Variants in UNC13C observed in about 807,000 individuals in gnomAD.
UNC13C encodes the protein protein unc-13 homolog C.
Under a neutral mutation model 245.4 loss-of-function variants are expected in UNC13C, and 174 were observed. That is an observed-to-expected ratio of 0.71 (90% CI 0.63 to 0.80). The LOEUF (loss-of-function observed/expected upper bound fraction) is 0.80, where lower values mean the gene tolerates loss of function less well. Among genes scored for constraint, UNC13C ranks in the 30% least tolerant of loss-of-function variants. The pLI is 0.00. For missense variants in UNC13C, 2,829 were observed against 2,602.9 expected, an observed-to-expected ratio of 1.09 and a Z score of -1.89; for synonymous variants, 992 against 895.1, an observed-to-expected ratio of 1.11 and a Z score of -1.93.
chr15:54,610,837 A>G (rs1269158525), intron 30 of UNC13C, among the ~76,000 whole-genome samples: 7 of 152,212 alleles, frequency 4.6e-5, no homozygotes, highest in African/African-American at 1.7e-4. Flanking sequence ...CATACACTGC[A>G]TCACTATTAG....
Position 54,269,049 on chromosome 15 carries a change from T to TTTTTGTTTTATTTTATTTTA in UNC13C, c.3818+3557_3818+3558insGTTTTATTTTATTTTATTTT, listed in dbSNP as rs1555441243. ...ACCTTGGTTTCTTTTTTTTTTTAAT[T>TTTTTGTTTTATTTTATTTTA]TTTTATTTTATTTTATTATTATTAT... On this transcript the variant is annotated intron_variant, in intron 10 of 32. Transcript: ENST00000260323. Among the ~76,000 whole-genome samples, 533 of 151,176 alleles carry TTTTTGTTTTATTTTATTTTA rather than the reference T, an allele frequency of 3.5e-3. 4 individuals carry two copies. The highest frequency in any genetic ancestry group is 0.012 in the African/African-American group (505 of 41,340).
chr15:54,294,275 T>A (rs11630766), intron 11 of UNC13C, among the ~76,000 whole-genome samples: 67,863 of 151,842 alleles, frequency 0.45, 15,573 homozygotes, highest in African/African-American at 0.54. Context: ...AAAGGAGAAA[T>A]CCCTTTCCAA....
the UNC13C span, among the ~76,000 whole-genome samples, chr15:53,918,032 G>A: frequency 6.6e-6 from 1 of 152,170 alleles, no homozygotes; most frequent in Non-Finnish European, 1.5e-5. Context: ...AAAAGAAGTT[G>A]ATTGAGAATG....
intron 30 of UNC13C, among the ~76,000 whole-genome samples, chr15:54,568,725 A>C (rs896554326): frequency 2.6e-5 from 4 of 152,200 alleles, no homozygotes; most frequent in African/African-American, 9.6e-5. Context: ...GTAAGTAAGA[A>C]GACACTAACT....
At chr15:54,005,541 C>T (rs900903518) in intron 1 of UNC13C, among the ~76,000 whole-genome samples, 3 of 152,034 alleles carry the variant, frequency 2.0e-5, no homozygotes, top group Non-Finnish European at 2.9e-5. Flanking sequence ...CAAGACAATG[C>T]CTGGCATATA....
At chr15:54,082,315 C>T (rs564088822) in intron 2 of UNC13C, among the ~76,000 whole-genome samples, 1 of 152,236 alleles carries the variant, frequency 6.6e-6, no homozygotes, top group African/African-American at 2.4e-5. Context: ...GTCTTGAGCT[C>T]TAGCAATATT....
rs748498626 is a variant in UNC13C, at chr15:54,250,430, C to T, written c.3434C>T (p.Ala1145Val). The T allele has an allele frequency of 6.2e-7, 1 of 1,609,530 alleles. No individual in the cohort carries two copies. ...CHEKCQDLLNADCLQRAAEKS... is the reference protein window; with the variant it reads ...CHEKCQDLLNVDCLQRAAEKS... ...GAAAAGTGTCAGGACCTGCTAAACG[C>T]TGACTGCTTGCAGAGTGAGTACTTG... The change falls in exon 8 of 33, where the codon GCT (alanine) becomes GTT (valine). Residue 1145 changes from alanine to valine, a missense_variant. Transcript: ENST00000260323.
At chr15:53,946,824 C>T in the UNC13C span, among the ~76,000 whole-genome samples, 1 of 151,942 alleles carries the variant, frequency 6.6e-6, no homozygotes, top group African/African-American at 2.4e-5. Context: ...TTGAACCAAC[C>T]TTGTATTCCA....
intron 30 of UNC13C, among the ~76,000 whole-genome samples, chr15:54,588,761 T>G (rs1898618357): frequency 6.6e-6 from 1 of 152,212 alleles, no homozygotes; most frequent in Non-Finnish European, 1.5e-5. Flanking sequence ...CCTGAGTTGC[T>G]TCACTTAGAA....
intron 16 of UNC13C, among the ~76,000 whole-genome samples, chr15:54,335,762 C>T (rs1256135259): frequency 1.3e-5 from 2 of 152,190 alleles, no homozygotes; most frequent in Non-Finnish European, 2.9e-5. Flanking sequence ...TCCATTCCCT[C>T]ATTGAGAGAT....
intron 19 of UNC13C, among the ~76,000 whole-genome samples, chr15:54,463,072 C>G (rs1240010021): frequency 6.6e-6 from 1 of 151,794 alleles, no homozygotes; most frequent in Non-Finnish European, 1.5e-5. Flanking sequence ...TGCTCTGTGT[C>G]TAGCTAATCT....
At chr15:54,572,270 A>G (rs1897789123) in intron 30 of UNC13C, among the ~76,000 whole-genome samples, 1 of 152,080 alleles carries the variant, frequency 6.6e-6, no homozygotes, top group Non-Finnish European at 1.5e-5. Context: ...TTTTTCTCTC[A>G]TGTGTTCTTA....
At chr15:54,446,224 C>T (rs577633979) in intron 19 of UNC13C, among the ~76,000 whole-genome samples, 12 of 152,214 alleles carry the variant, frequency 7.9e-5, no homozygotes, top group South Asian at 2.1e-4. Flanking sequence ...AGTCAGGTAG[C>T]GTGATGCCTC....
At chr15:54,126,896 G>T (rs568226268) in intron 2 of UNC13C, among the ~76,000 whole-genome samples, 1 of 152,134 alleles carries the variant, frequency 6.6e-6, no homozygotes, top group Admixed American at 6.6e-5. Flanking sequence ...GTGGGTGAAG[G>T]ATATGAACAG....
chr15:54,397,403 C>G (rs4776228), intron 18 of UNC13C, among the ~76,000 whole-genome samples: 40 of 151,430 alleles, frequency 2.6e-4, no homozygotes, highest in Admixed American at 9.2e-4. Context: ...GTAATTACAC[C>G]AGTACTGCAT....
chr15:54,366,376 CTTT>C (rs1567218612), intron 17 of UNC13C, among the ~76,000 whole-genome samples: 1 of 152,112 alleles, frequency 6.6e-6, no homozygotes, highest in Non-Finnish European at 1.5e-5. Context: ...ATGCTTTGTA[CTTT>C]GCCTGAGATT....
intron 4 of UNC13C, among the ~76,000 whole-genome samples, chr15:54,227,306 G>A (rs1170922190): frequency 6.6e-6 from 1 of 152,142 alleles, no homozygotes. Flanking sequence ...TCCTGGCTGT[G>A]GACTCCACCC....
chr15:54,448,736 A>G (rs928063538), intron 19 of UNC13C, among the ~76,000 whole-genome samples: 1 of 152,142 alleles, frequency 6.6e-6, no homozygotes, highest in African/African-American at 2.4e-5. Flanking sequence ...CCAATTTGCC[A>G]GTCTGTGTCT....
At chr15:54,184,053 A>G (rs574475159) in intron 4 of UNC13C, among the ~76,000 whole-genome samples, 2 of 152,222 alleles carry the variant, frequency 1.3e-5, no homozygotes, top group South Asian at 2.1e-4. Context: ...GTTTAGCATT[A>G]TAATTTCTGA....
Sources: allele counts gnomAD v4.1 joint callset (sites outside exome capture counted in the v4.1 genomes callset), GRCh38; gene constraint gnomAD v4.1.1; transcripts MANE v1.5; gene names NCBI Gene and HGNC (gene_info 2026-07-23, HGNC 2026-07-21).